PTK2B: variants seen among roughly 807,000 people sequenced by gnomAD.
The protein encoded by PTK2B is protein tyrosine kinase 2 beta.
A neutral mutation model predicts 142.9 loss-of-function variants in PTK2B; 71 were observed. The observed-to-expected ratio is 0.50, with a 90% confidence interval of 0.41 to 0.61. The LOEUF is 0.61. PTK2B is among the 20% of genes least tolerant of loss of function. The pLI, the probability that PTK2B is intolerant of heterozygous loss-of-function variation, is 0.00. For missense variants in PTK2B, 1,105 were observed against 1,320.4 expected, an observed-to-expected ratio of 0.84 and a Z score of 2.53; for synonymous variants, 519 against 503.4, an observed-to-expected ratio of 1.03 and a Z score of -0.42.
upstream of PTK2B, chr8:27,310,764 C>T: frequency 3.9e-6 from 6 of 1,538,408 alleles, no homozygotes; most frequent in African/African-American, 4.1e-5. Flanking sequence ...GGGTTCCAGA[C>T]CCGGCTCGGC....
At chr8:27,454,369 GGCT>G in intron 29 of PTK2B, 78 bp downstream of exon 29, 1 of 1,571,516 alleles carries the variant, frequency 6.4e-7, no homozygotes, top group Non-Finnish European at 8.6e-7. Context: ...GCTTCCTGTT[GGCT>G]GGCCCAGCAG....
At chr8:27,447,515 G>A (rs1193631612) in intron 24 of PTK2B, among the ~76,000 whole-genome samples, 1 of 152,116 alleles carries the variant, frequency 6.6e-6, no homozygotes, top group Non-Finnish European at 1.5e-5. Context: ...ACCAGCATTG[G>A]GATGGCAGCA....
Position 27,398,815 on chromosome 8 carries a change from C to T in PTK2B, c.204+1027C>T, listed in dbSNP as rs559047169. ...TTCCTTTCGTTAGTACTGCTGTGCCCTGGCCACATCATCCTGGCTGCCTTC... is the reference window on the plus strand; with the variant it reads ...TTCCTTTCGTTAGTACTGCTGTGCCTTGGCCACATCATCCTGGCTGCCTTC... On this transcript the variant is annotated intron_variant, in intron 2 of 30. Coordinates refer to ENST00000346049, the MANE Select transcript of PTK2B (RefSeq NM_173176.3). 3.3e-5 allele frequency among the ~76,000 whole-genome samples: 5 copies of T among 152,258 alleles called. No homozygotes were observed. The South Asian group carries it at 8.3e-4, about 25-fold the overall frequency.
rs1189773353 is a variant in PTK2B, at chr8:27,325,605, A to G, written c.-114A>G. 1 of 152,286 alleles carries G rather than the reference A, an allele frequency of 6.6e-6. No homozygotes were observed. Among genetic ancestry groups the G allele is most frequent in the East Asian group, 1.9e-4 (1 of 5,188 alleles). 9.4% of individuals were successfully genotyped at this position (152,286 alleles called of 1,614,324 possible). On this transcript the variant is annotated 5_prime_UTR_variant, in exon 1 of 31. Transcript: ENST00000346049. Reference sequence around the variant, plus strand: ...CGTTGCACACCTACCTGCCCGGCCGACTTACCTGTACTTGCCGCCGTCCCG... The same window carrying G: ...CGTTGCACACCTACCTGCCCGGCCGGCTTACCTGTACTTGCCGCCGTCCCG...
rs554256546 is a variant in PTK2B, at chr8:27,338,013, T to C, written c.-38+12332T>C. Among the ~76,000 whole-genome samples, 139 of 152,316 alleles carry C rather than the reference T, an allele frequency of 9.1e-4. 4 individuals carry two copies. Among genetic ancestry groups the C allele is most frequent in the Non-Finnish European group, 1.0e-4 (7 of 68,020 alleles). Reference sequence around the variant, plus strand: ...CTTCTTGGTTCTAATACCTCCACGTTCTCGCCAACACTTGTTGTTGTCTGT... The same window carrying C: ...CTTCTTGGTTCTAATACCTCCACGTCCTCGCCAACACTTGTTGTTGTCTGT... On this transcript the variant is annotated intron_variant, in intron 1 of 30. Coordinates refer to ENST00000346049, the MANE Select transcript of PTK2B (RefSeq NM_173176.3).
chr8:27,437,643 G>C (rs903918708), intron 17 of PTK2B, 122 bp from the exon 18 acceptor site: 2 of 1,224,536 alleles, frequency 1.6e-6, no homozygotes, highest in African/African-American at 1.5e-5. Context: ...GGAACATTTT[G>C]CCAGCTTTGG....
At chr8:27,380,892 A>G (rs917827663) in intron 1 of PTK2B, 2 of 152,184 alleles carry the variant, frequency 1.3e-5, no homozygotes, top group African/African-American at 4.8e-5. Flanking sequence ...AGATGTTAGG[A>G]AGGTGGGGAA....
chr8:27,441,156 C>A (rs1413209915), intron 21 of PTK2B, among the ~76,000 whole-genome samples: 1 of 152,196 alleles, frequency 6.6e-6, no homozygotes, highest in African/African-American at 2.4e-5. Flanking sequence ...AAACTGCTAA[C>A]TCTCTTAGCT....
upstream of PTK2B, among the ~76,000 whole-genome samples, chr8:27,323,895 G>T (rs1803286041): frequency 6.6e-6 from 1 of 152,120 alleles, no homozygotes; most frequent in South Asian, 2.1e-4. Flanking sequence ...AGATAAGATT[G>T]TAGTTCATTT....
At chr8:27,419,856 G>A in intron 2 of PTK2B, 39 bp from the exon 3 acceptor site, 3 of 1,606,568 alleles carry the variant, frequency 1.9e-6, no homozygotes, top group Non-Finnish European at 2.6e-6. Context: ...GCCCAAAGGT[G>A]GGCACCCCTG....
intron 1 of PTK2B, among the ~76,000 whole-genome samples, chr8:27,351,233 G>C (rs1364148296): frequency 6.7e-5 from 10 of 150,372 alleles, no homozygotes; most frequent in African/African-American, 2.5e-4. Context: ...TATTTCACAA[G>C]GAGCAGTGGG....
At chr8:27,442,437 C>T (rs192662323) in intron 21 of PTK2B, among the ~76,000 whole-genome samples, 96 of 152,088 alleles carry the variant, frequency 6.3e-4, no homozygotes, top group African/African-American at 2.2e-3. Flanking sequence ...TAGCACATAC[C>T]GGGGATGCGT....
intron 1 of PTK2B, among the ~76,000 whole-genome samples, chr8:27,370,965 G>A (rs566943714): frequency 2.6e-5 from 4 of 151,758 alleles, no homozygotes; most frequent in Non-Finnish European, 4.4e-5. Flanking sequence ...GTGCAGTCTC[G>A]GCTTACTGCA....
chr8:27,315,393 GGTTA>G (rs1207085480), intron 3 of PTK2B, among the ~76,000 whole-genome samples: 1 of 152,122 alleles, frequency 6.6e-6, no homozygotes, highest in Non-Finnish European at 1.5e-5. Context: ...AGCTATGGTT[GGTTA>G]GTGGTTCAAA....
intron 22 of PTK2B, among the ~76,000 whole-genome samples, chr8:27,443,473 A>C (rs1285691346): frequency 1.3e-5 from 2 of 152,210 alleles, no homozygotes; most frequent in Admixed American, 6.5e-5. Context: ...GCAGATGTTT[A>C]TCTCTCACAG....
chr8:27,436,272 G>A lies in PTK2B; in HGVS notation c.1265G>A (p.Arg422His), dbSNP rs772807733. 58 of 1,614,072 alleles carry A rather than the reference G, an allele frequency of 3.6e-5. No individual in the cohort carries two copies. Among genetic ancestry groups the A allele is most frequent in the South Asian group, 1.8e-4 (16 of 91,084 alleles). ...GCAGGTCCACAGTATGGCATTGCCC[G>A]TGAAGATGTGGTCCTGAATCGTATT... is the stretch of plus-strand genomic sequence containing the variant. The part of the protein sequence containing the change: ...RPGGPQYGIA[R>H]EDVVLNRILG... Residue 422 changes from arginine (R) to histidine (H), a missense_variant, in exon 15 of 31, where the codon CGT becomes CAT. Coordinates refer to ENST00000346049, the MANE Select transcript of PTK2B (RefSeq NM_173176.3).
chr8:27,411,373 G>T (rs1478278170), intron 2 of PTK2B, among the ~76,000 whole-genome samples: 5 of 152,080 alleles, frequency 3.3e-5, no homozygotes, highest in Non-Finnish European at 5.9e-5. Context: ...ACCCCAATCT[G>T]GCCACCCCCC....
At chr8:27,438,009 C>G in intron 18 of PTK2B, 129 bp downstream of exon 18, 2 of 785,270 alleles carry the variant, frequency 2.5e-6, no homozygotes, top group Non-Finnish European at 4.1e-6. Flanking sequence ...GGCCCAGCAG[C>G]TTTGAGCACT....
At chr8:27,365,392 C>T (rs1474717745) in intron 1 of PTK2B, among the ~76,000 whole-genome samples, 1 of 152,212 alleles carries the variant, frequency 6.6e-6, no homozygotes, top group East Asian at 1.9e-4. Context: ...AGGCAGGAGA[C>T]CCATGACACC....
Sources: gnomAD v4.1 joint callset for allele counts (sites outside exome capture counted in the v4.1 genomes callset) on GRCh38, gnomAD v4.1.1 for gene constraint, MANE v1.5 for transcripts, NCBI Gene and HGNC (gene_info 2026-07-23, HGNC 2026-07-21) for gene names.